Variants in ZFHX3 observed in about 807,000 individuals in gnomAD.
The protein encoded by ZFHX3 is zinc finger homeobox 3.
A neutral mutation model predicts 279.1 loss-of-function variants in ZFHX3; 42 were observed. The observed-to-expected ratio is 0.15, with a 90% CI of 0.12 to 0.19. ZFHX3 has a LOEUF of 0.19. Ranked by LOEUF, ZFHX3 falls within the 10% of genes least tolerant of loss-of-function variation. The probability of loss-of-function intolerance (pLI) is 1.00; values close to 1 mark genes in which losing one functional copy is unlikely to be tolerated. For synonymous variants in ZFHX3, 2,293 were observed against 1,957.8 expected, an observed-to-expected ratio of 1.17 and a Z score of -4.52; for missense variants, 4,981 against 4,754.0, an observed-to-expected ratio of 1.05 and a Z score of -1.40.
chr16:73,465,335 T>C (rs2018546913), intron 2 of ZFHX3, among the ~76,000 whole-genome samples: 1 of 152,198 alleles, frequency 6.6e-6, no homozygotes, highest in African/African-American at 2.4e-5. Context: ...GCGTGTATTT[T>C]CCTTCTCATG....
intron 5 of ZFHX3, among the ~76,000 whole-genome samples, chr16:73,194,646 A>G (rs1250901682): frequency 2.0e-5 from 3 of 152,194 alleles, no homozygotes; most frequent in Non-Finnish European, 4.4e-5. Context: ...ATATAATTGA[A>G]CCCAAGCTAG....
At chr16:73,371,615 C>G (rs187950326) in intron 3 of ZFHX3, among the ~76,000 whole-genome samples, 1 of 152,116 alleles carries the variant, frequency 6.6e-6, no homozygotes, top group Non-Finnish European at 1.5e-5. Context: ...CCGGGTGTAC[C>G]CCTCAGTCCA....
At chr16:73,048,671 A>G (rs1003281430), upstream of ZFHX3, among the ~76,000 whole-genome samples, 1 of 152,252 alleles carries the variant, frequency 6.6e-6, no homozygotes, top group African/African-American at 2.4e-5. Context: ...TCCACGTCAC[A>G]GCCAGGCCAC....
chr16:73,242,257 T>C (rs1357070927), intron 5 of ZFHX3, among the ~76,000 whole-genome samples: 1 of 152,126 alleles, frequency 6.6e-6, no homozygotes, highest in Non-Finnish European at 1.5e-5. Context: ...AAGGAGAACC[T>C]AGCTCCCTGA....
intron 4 of ZFHX3, among the ~76,000 whole-genome samples, chr16:73,298,875 C>T (rs530661456): frequency 1.3e-5 from 2 of 152,304 alleles, no homozygotes; most frequent in South Asian, 4.1e-4. Flanking sequence ...CTTTGCAGAG[C>T]TGTGGATACA....
chr16:73,795,795 C>T (rs1567413259), intron 1 of ZFHX3, among the ~76,000 whole-genome samples: 1 of 152,176 alleles, frequency 6.6e-6, no homozygotes, highest in Non-Finnish European at 1.5e-5. Flanking sequence ...TAAGAGGTCC[C>T]TCTGGGCATG....
chr16:72,990,041 A>G (rs1260777722), intron 1 of ZFHX3, among the ~76,000 whole-genome samples: 1 of 152,118 alleles, frequency 6.6e-6, no homozygotes, highest in Non-Finnish European at 1.5e-5. Context: ...CCCGAATTAT[A>G]AAATACCACA....
At chr16:73,331,176 G>T (rs1465425850) in intron 3 of ZFHX3, among the ~76,000 whole-genome samples, 1 of 152,228 alleles carries the variant, frequency 6.6e-6, no homozygotes, top group African/African-American at 2.4e-5. Flanking sequence ...GCAGAGTGAA[G>T]CGGGGAAAGC....
chr16:73,122,060 T>A lies in ZFHX3; in HGVS notation c.-897+8908A>T, dbSNP rs114064462. ...TGTCTTCGTGTGTCTCTCTCCCCAC[T>A]AAGACTATAAGTTTCTCAGGGGCAG... On this transcript the variant is annotated intron_variant, in intron 7 of 17. Transcript: ENST00000641206. Among the ~76,000 whole-genome samples the A allele has an allele frequency of 2.0e-3, 308 of 152,316 alleles. 2 individuals are homozygous for A. The highest frequency in any genetic ancestry group is 6.7e-3 in the African/African-American group (278 of 41,564).
chr16:73,593,448 T>C (rs2052019020), intron 2 of ZFHX3, among the ~76,000 whole-genome samples: 1 of 152,032 alleles, frequency 6.6e-6, no homozygotes, highest in Non-Finnish European at 1.5e-5. Flanking sequence ...ATCCCAGAAA[T>C]GAAGAGTTTA....
chr16:72,811,341 G>A (rs2036438874), intron 7 of ZFHX3, among the ~76,000 whole-genome samples: 1 of 152,180 alleles, frequency 6.6e-6, no homozygotes, highest in South Asian at 2.1e-4. Context: ...TCTGTCCCCT[G>A]AGGGCAGAGA....
intron 7 of ZFHX3, chr16:72,809,693 A>G (rs1463785861): frequency 6.6e-6 from 1 of 152,196 alleles, no homozygotes; most frequent in African/African-American, 2.4e-5. Flanking sequence ...ATGGAATAGA[A>G]AATGCCTGGA....
chr16:73,338,100 G>T (rs963993696), intron 3 of ZFHX3, among the ~76,000 whole-genome samples: 1 of 152,142 alleles, frequency 6.6e-6, no homozygotes, highest in East Asian at 1.9e-4. Context: ...AAACTAATTT[G>T]TTTCCTAATC....
At chr16:73,363,762 C>T (rs2016476318) in intron 3 of ZFHX3, among the ~76,000 whole-genome samples, 1 of 152,100 alleles carries the variant, frequency 6.6e-6, no homozygotes, top group Non-Finnish European at 1.5e-5. Context: ...TCGCACTATG[C>T]TCACCCCCAG....
chr16:72,932,837 T>C (rs1015789300), intron 3 of ZFHX3, among the ~76,000 whole-genome samples: 5 of 152,222 alleles, frequency 3.3e-5, no homozygotes, highest in Admixed American at 6.5e-5. Context: ...ATATGCAGAC[T>C]GCGTCTAGGT....
chr16:73,515,064 G>A (rs1319806181), intron 2 of ZFHX3, among the ~76,000 whole-genome samples: 1 of 152,188 alleles, frequency 6.6e-6, no homozygotes, highest in Admixed American at 6.5e-5. Flanking sequence ...TTCATTACAA[G>A]GTATGAATGC....
In ZFHX3 at chr16:72,959,731, C is replaced by G. The variant is rs780015879; in HGVS notation, c.415G>C (p.Gly139Arg). 5.0e-6 allele frequency: 8 copies of G among 1,612,872 alleles called. No individual in the cohort carries two copies. The highest frequency in any genetic ancestry group is 6.8e-6 in the Non-Finnish European group (8 of 1,179,320). Reference sequence around the variant, plus strand: ...AGGCTCTCCACAATGTACGCGGAGCCGTCCGGCTGGTAGACGATCTCCCCG... The same window carrying G: ...AGGCTCTCCACAATGTACGCGGAGCGGTCCGGCTGGTAGACGATCTCCCCG... ...LAGEIVYQPD[G>R]SAYIVESLSQ... The change falls in exon 2 of 10, where the codon GGC becomes CGC. Residue 139 changes from glycine (G) to arginine (R), a missense_variant. By Grantham distance (125) the Gly-to-Arg change is moderately radical. Around this residue, in one of 7 missense-constraint regions of ZFHX3, gnomAD observed 1,068 missense variants for 935.2 expected, o/e 1.14. Transcript: ENST00000268489.
At chr16:73,426,251 G>T (rs923094163) in intron 3 of ZFHX3, among the ~76,000 whole-genome samples, 2 of 152,292 alleles carry the variant, frequency 1.3e-5, no homozygotes, top group African/African-American at 2.4e-5. Flanking sequence ...ATGGCCAAAA[G>T]CACCCCTTGG....
intron 4 of ZFHX3, among the ~76,000 whole-genome samples, chr16:72,887,062 G>A (rs1156725129): frequency 2.0e-5 from 3 of 152,220 alleles, no homozygotes. Flanking sequence ...TCTACTGACT[G>A]TCGAAACCTC....
Sources: allele counts gnomAD v4.1 joint callset (sites outside exome capture counted in the v4.1 genomes callset), GRCh38; gene constraint gnomAD v4.1.1; regional missense constraint gnomAD v4.1.1; transcripts MANE v1.5; gene names NCBI Gene and HGNC (gene_info 2026-07-23, HGNC 2026-07-21).